CADM1: variants seen among roughly 807,000 people sequenced by gnomAD.
CADM1 encodes TSLC-1.
Under a neutral mutation model 53.1 loss-of-function variants are expected in CADM1, and 15 were observed. That is an observed-to-expected ratio of 0.28 (90% CI 0.19 to 0.44). CADM1 has a LOEUF of 0.44. Among genes scored for constraint, CADM1 ranks in the 20% least tolerant of loss-of-function variants. The pLI, the probability that CADM1 is intolerant of heterozygous loss-of-function variation, is 1.00. For synonymous variants in CADM1, 281 were observed against 243.0 expected (o/e 1.16, Z -1.45); for missense variants, 434 against 611.3 (o/e 0.71, Z 3.06).
chr11:115,233,648 A>G (rs1941905555), intron 3 of CADM1, among the ~76,000 whole-genome samples: 1 of 152,248 alleles, frequency 6.6e-6, no homozygotes, highest in South Asian at 2.1e-4. Flanking sequence ...GTGGTATAAG[A>G]AAAAATGAAA....
chr11:115,342,432 C>T (rs1945472518), intron 1 of CADM1, among the ~76,000 whole-genome samples: 1 of 152,096 alleles, frequency 6.6e-6, no homozygotes, highest in Admixed American at 6.6e-5. Context: ...TAAAGAGATT[C>T]TACATGGAGG....
At chr11:115,445,138 C>A (rs1163768928) in intron 1 of CADM1, among the ~76,000 whole-genome samples, 1 of 152,198 alleles carries the variant, frequency 6.6e-6, no homozygotes, top group Non-Finnish European at 1.5e-5. Flanking sequence ...TTTATGTCAA[C>A]CTGTCCTGAA....
intron 1 of CADM1, among the ~76,000 whole-genome samples, chr11:115,307,466 C>T (rs1944404551): frequency 6.8e-6 from 1 of 148,112 alleles, no homozygotes; most frequent in African/African-American, 2.5e-5. Flanking sequence ...ATTTAAAAAT[C>T]AGAAGAACAT....
intron 1 of CADM1, among the ~76,000 whole-genome samples, chr11:115,501,938 G>A (rs1296453583): frequency 2.0e-5 from 3 of 152,114 alleles, no homozygotes; most frequent in Admixed American, 1.3e-4. Context: ...AAAAAATTAA[G>A]AAAGTCATCT....
At chr11:115,422,441 G>A (rs1006144483) in intron 1 of CADM1, among the ~76,000 whole-genome samples, 1 of 152,156 alleles carries the variant, frequency 6.6e-6, no homozygotes, top group Non-Finnish European at 1.5e-5. Context: ...CCATCTTCAA[G>A]AAGATGATCT....
intron 1 of CADM1, among the ~76,000 whole-genome samples, chr11:115,395,776 C>T (rs1591776215): frequency 6.6e-6 from 1 of 152,086 alleles, no homozygotes; most frequent in Non-Finnish European, 1.5e-5. Context: ...AATCCTAAAC[C>T]CTGTAATTCC....
chr11:115,400,659 G>GTATATATA (rs1160438904), intron 1 of CADM1, among the ~76,000 whole-genome samples: 2 of 38,668 alleles, frequency 5.2e-5, no homozygotes, highest in Non-Finnish European at 1.2e-4. Flanking sequence ...GTGTGTGTGT[G>GTATATATA]TGTATATATA....
intron 9 of CADM1, 163 bp from the exon 10 acceptor site, chr11:115,191,104 T>C: frequency 1.6e-6 from 1 of 628,282 alleles, no homozygotes; most frequent in Non-Finnish European, 2.8e-6. Context: ...TTTCTTCAAT[T>C]ATGTAATTTT....
chr11:115,349,982 T>C (rs1170445811), intron 1 of CADM1, among the ~76,000 whole-genome samples: 1 of 152,130 alleles, frequency 6.6e-6, no homozygotes, highest in East Asian at 1.9e-4. Flanking sequence ...TTGTTTTTTG[T>C]TTTTTTGAGA....
At chr11:115,394,623 C>G (rs948253983) in intron 1 of CADM1, among the ~76,000 whole-genome samples, 1 of 152,118 alleles carries the variant, frequency 6.6e-6, no homozygotes, top group Admixed American at 6.6e-5. Context: ...TTAATGTCAT[C>G]TTATTTATAA....
At chr11:115,227,904 T>C (rs1245577643) in intron 5 of CADM1, among the ~76,000 whole-genome samples, 1 of 152,218 alleles carries the variant, frequency 6.6e-6, no homozygotes, top group Non-Finnish European at 1.5e-5. Context: ...TAAGTCCATG[T>C]TCTAACCCTT....
chr11:115,256,023 T>G (rs1381046404), intron 1 of CADM1, among the ~76,000 whole-genome samples: 1 of 152,268 alleles, frequency 6.6e-6, no homozygotes, highest in Non-Finnish European at 1.5e-5. Context: ...GCTGAATTTT[T>G]GCTTACTTGG....
chr11:115,289,044 A>G (rs192453849), intron 1 of CADM1, among the ~76,000 whole-genome samples: 27 of 152,290 alleles, frequency 1.8e-4, no homozygotes, highest in African/African-American at 5.5e-4. Flanking sequence ...AGAAGCCAGA[A>G]AAGCTTAAAC....
chr11:115,180,566 C>T (rs1272579769), intron 10 of CADM1, among the ~76,000 whole-genome samples: 3 of 152,086 alleles, frequency 2.0e-5, no homozygotes, highest in Admixed American at 2.0e-4. Flanking sequence ...TTGCCAACTG[C>T]AGATGCTACA....
At chr11:115,469,796 C>T (rs903197422) in intron 1 of CADM1, among the ~76,000 whole-genome samples, 3 of 151,880 alleles carry the variant, frequency 2.0e-5, no homozygotes, top group East Asian at 1.9e-4. Context: ...CTCAGCCTCC[C>T]GAGAAGCTGG....
chr11:115,310,581 G>A (rs1049797765), intron 1 of CADM1, among the ~76,000 whole-genome samples: 3 of 152,216 alleles, frequency 2.0e-5, no homozygotes, highest in Admixed American at 6.5e-5. Flanking sequence ...ATTTGCTGTC[G>A]GTGAAACCCC....
chr11:115,307,514 A>AT (rs1438688941), intron 1 of CADM1, among the ~76,000 whole-genome samples: 8 of 120,372 alleles, frequency 6.6e-5, no homozygotes, highest in African/African-American at 2.6e-4. Flanking sequence ...CCAGGAAAAA[A>AT]AAAATATATA....
intron 1 of CADM1, among the ~76,000 whole-genome samples, chr11:115,487,006 A>G (rs1297031239): frequency 6.6e-6 from 1 of 152,146 alleles, no homozygotes; most frequent in African/African-American, 2.4e-5. Flanking sequence ...GAGAATACGA[A>G]GAGAGGAAAG....
At chr11:115,335,460 T>C (rs1029329373) in intron 1 of CADM1, among the ~76,000 whole-genome samples, 1 of 152,248 alleles carries the variant, frequency 6.6e-6, no homozygotes, top group Middle Eastern at 3.4e-3. Context: ...CTCATGTATA[T>C]ATATAGTTGT....
Sources: allele counts gnomAD v4.1 joint callset (sites outside exome capture counted in the v4.1 genomes callset), GRCh38; gene constraint gnomAD v4.1.1; transcripts MANE v1.5; gene names NCBI Gene and HGNC (gene_info 2026-07-23, HGNC 2026-07-21).